ASXL1: variants seen among roughly 807,000 people sequenced by gnomAD.
ASXL1 encodes the protein polycomb group protein ASXL1.
Under a neutral mutation model 89.1 loss-of-function variants are expected in ASXL1, and 65 were observed. The ratio of observed to expected loss-of-function variants is 0.73; its 90% CI spans 0.60 to 0.90. The LOEUF (loss-of-function observed/expected upper bound fraction) is 0.90, where lower values mean the gene tolerates loss of function less well. Among genes scored for constraint, ASXL1 ranks in the 40% least tolerant of loss-of-function variants. ASXL1 has a pLI of 0.00. For missense variants in ASXL1, 1,786 were observed against 1,942.9 expected (o/e 0.92, Z 1.52); for synonymous variants, 739 against 746.9 (o/e 0.99, Z 0.17).
intron 4 of ASXL1, chr20:32,372,350 C>T: frequency 8.6e-7 from 1 of 1,159,294 alleles, no homozygotes; most frequent in Non-Finnish European, 1.1e-6. Context: ...GCTTATCCTT[C>T]ATAGTATCTT....
intron 4 of ASXL1, among the ~76,000 whole-genome samples, chr20:32,381,480 G>A (rs532835055): frequency 1.3e-5 from 2 of 151,198 alleles, no homozygotes; most frequent in Non-Finnish European, 2.9e-5. Flanking sequence ...GAGATTATAG[G>A]TGTGAGCCAC....
At position 32,431,693 on chromosome 20, in the gene ASXL1, G is replaced by A. The variant is rs1394310909; in HGVS notation, c.979+14G>A. On this transcript the variant is annotated intron_variant, in intron 10 of 12. Coordinates refer to ENST00000375687, the MANE Select transcript of ASXL1 (RefSeq NM_015338.6). ...GCCTGGCTGATGGTATGTAGACTTG[G>A]TCATCTCGGACGGCTTGCGACGCAC... 1 of 1,611,772 alleles carries A rather than the reference G, an allele frequency of 6.2e-7. No homozygotes were observed. The highest frequency in any genetic ancestry group is 2.2e-5 in the East Asian group (1 of 44,878).
chr20:32,432,641 A>G (rs1431585600), intron 10 of ASXL1: 5 of 471,862 alleles, frequency 1.1e-5, no homozygotes, highest in African/African-American at 3.9e-5. Flanking sequence ...CTACACAGGA[A>G]ATATGAATGG....
chr20:32,435,896 C>T lies in ASXL1; in HGVS notation c.3184C>T (p.Pro1062Ser), dbSNP rs776213974. The change falls in exon 13 of 13, where the codon CCT becomes TCT. Residue 1062 changes from proline (P) to serine (S), a missense_variant. Coordinates refer to ENST00000375687, the MANE Select transcript of ASXL1 (RefSeq NM_015338.6). Reference sequence around the variant, plus strand: ...TACAAGGACAGATGGGATGGTTGCTCCTCAGAGCTGGGTGTCTCGAGTATG... The same window carrying T: ...TACAAGGACAGATGGGATGGTTGCTTCTCAGAGCTGGGTGTCTCGAGTATG... ...LVTRTDGMVA[P>S]QSWVSRVCAV... 26 of 1,614,170 alleles carry T rather than the reference C, an allele frequency of 1.6e-5. No individual in the cohort carries two copies. Among genetic ancestry groups the T allele is most frequent in the Non-Finnish European group, 2.2e-5 (26 of 1,180,026 alleles).
In ASXL1 at chr20:32,393,220, G is replaced by A. The variant is rs1355041430; in HGVS notation, c.252+24097G>A. ...AGGTACATAAGCATTTATGATTGTC[G>A]TCATCTTGATGAATTGGTCTCTGTC... On this transcript the variant is annotated intron_variant, in intron 4 of 12. Coordinates refer to ENST00000375687, the MANE Select transcript of ASXL1 (RefSeq NM_015338.6). Among the ~76,000 whole-genome samples, 5 of 152,048 alleles carry A rather than the reference G, an allele frequency of 3.3e-5. No individual in the cohort carries two copies. The South Asian group carries it at 6.2e-4, about 19-fold the overall frequency.
chr20:32,417,741 T>C (rs2049162789), intron 4 of ASXL1, among the ~76,000 whole-genome samples: 1 of 152,128 alleles, frequency 6.6e-6, no homozygotes, highest in Non-Finnish European at 1.5e-5. Flanking sequence ...ATTTTTTTTT[T>C]TTGATCAGAA....
chr20:32,427,127 CTT>C (rs1330612967), intron 4 of ASXL1: 1 of 152,180 alleles, frequency 6.6e-6, no homozygotes, highest in African/African-American at 2.4e-5. Context: ...CATCCACACT[CTT>C]TGTAGTTTTG....
At chr20:32,360,967 G>A (rs1221389401) in intron 1 of ASXL1, among the ~76,000 whole-genome samples, 1 of 152,086 alleles carries the variant, frequency 6.6e-6, no homozygotes, top group Non-Finnish European at 1.5e-5. Context: ...GGCTGGTCTC[G>A]AACTCGTGAC....
At chr20:32,397,127 C>T (rs2048777891) in intron 4 of ASXL1, among the ~76,000 whole-genome samples, 1 of 147,406 alleles carries the variant, frequency 6.8e-6, no homozygotes, top group Admixed American at 6.7e-5. Context: ...TCACTGCAAC[C>T]TCCGCCTACC....
At chr20:32,378,804 T>C (rs1293931949) in intron 4 of ASXL1, among the ~76,000 whole-genome samples, 1 of 151,644 alleles carries the variant, frequency 6.6e-6, no homozygotes, top group Non-Finnish European at 1.5e-5. Flanking sequence ...ATGCTTACCC[T>C]GTCTCAAAAA....
Position 32,429,126 on chromosome 20 carries a change from A to G in ASXL1, c.472-212A>G. ...TCCTTACCTGTAAAATGGGGATAAC[A>G]GTACATTTTTGTAGCTTGGAATGAT... On this transcript the variant is annotated intron_variant, in intron 6 of 12. Transcript: ENST00000375687. The surrounding 1 kb of genome is among the most constrained non-coding windows in gnomAD (Gnocchi z 4.9). The G allele has an allele frequency of 1.7e-6, 1 of 591,252 alleles. No individual in the cohort carries two copies. The allele number at this position is 591,252 out of a possible 1,614,324, so 36.6% of individuals were successfully genotyped here.
intron 4 of ASXL1, among the ~76,000 whole-genome samples, chr20:32,372,857 T>C (rs2048321450): frequency 6.6e-6 from 1 of 151,410 alleles, no homozygotes; most frequent in Admixed American, 6.6e-5. Context: ...CCTCCCAGAG[T>C]GCTGGGATTA....
In ASXL1 at chr20:32,419,975, C is replaced by T. The variant is rs145338892; in HGVS notation, c.253-8153C>T. 6.6e-4 allele frequency among the ~76,000 whole-genome samples: 100 copies of T among 152,144 alleles called. 1 individual carries two copies. Among genetic ancestry groups the T allele is most frequent in the African/African-American group, 2.0e-3 (83 of 41,524 alleles). Reference sequence around the variant, plus strand: ...CATTACAGGCATGAGCCCCCACACCCGGCTGATGGATAAATTTTCTAATTG... The same window carrying T: ...CATTACAGGCATGAGCCCCCACACCTGGCTGATGGATAAATTTTCTAATTG... On this transcript the variant is annotated intron_variant, in intron 4 of 12. Transcript: ENST00000375687.
intron 10 of ASXL1, 138 bp from the exon 11 acceptor site, chr20:32,432,742 G>A: frequency 9.3e-7 from 1 of 1,074,728 alleles, no homozygotes; most frequent in Non-Finnish European, 1.4e-6. Flanking sequence ...AGATGTGTTA[G>A]CTCTGTCCCT....
At chr20:32,369,718 C>CT (rs386393629) in intron 4 of ASXL1, among the ~76,000 whole-genome samples, 1,845 of 94,584 alleles carry the variant, frequency 0.02, 135 homozygotes, top group African/African-American at 0.064. Flanking sequence ...GCAGATGTGC[C>CT]TTTTTTTTTT....
chr20:32,358,750 A>AGCT lies in ASXL1; in HGVS notation c.-23_-21dup, dbSNP rs763356478. ...CGCCCAGCCCGGAGGTCCCGCGTGG[A>AGCT]GCTGCCGCCGCCGCCGGGGAGAAGG... is the stretch of plus-strand genomic sequence containing the variant. On this transcript the variant is annotated 5_prime_UTR_variant, in exon 1 of 13. Transcript: ENST00000375687. The AGCT allele has an allele frequency of 4.8e-5, 37 of 770,218 alleles. No individual in the cohort carries two copies. Among genetic ancestry groups the AGCT allele is most frequent in the Admixed American group, 2.6e-5 (1 of 38,730 alleles). The allele number at this position is 770,218 out of a possible 1,614,324, so 47.7% of individuals were successfully genotyped here.
chr20:32,372,801 G>A (rs1486840952), intron 4 of ASXL1, among the ~76,000 whole-genome samples: 1 of 151,642 alleles, frequency 6.6e-6, no homozygotes, highest in Non-Finnish European at 1.5e-5. Flanking sequence ...TACTATGTTG[G>A]CCAGGCTGGT....
chr20:32,401,522 ATGTGTG>A (rs1278707742), intron 4 of ASXL1, among the ~76,000 whole-genome samples: 2 of 126,724 alleles, frequency 1.6e-5, no homozygotes, highest in Admixed American at 1.7e-4. Flanking sequence ...TGAACCATAT[ATGTGTG>A]TGTGTGTGTG....
In ASXL1 at chr20:32,433,920, A is replaced by G; in HGVS notation, c.1719+3A>G. On this transcript the variant is annotated splice_donor_region_variant and intron_variant, in intron 12 of 12. Transcript: ENST00000375687. ...AGCCCAAAGTCCCGCCCATCCGGGT[A>G]GGAGACTGTTTGATTCCTGGCTGCC... 1.2e-6 allele frequency: 2 copies of G among 1,612,386 alleles called. No individual in the cohort carries two copies. The highest frequency in any genetic ancestry group is 1.7e-6 in the Non-Finnish European group (2 of 1,180,012).
Sources: gnomAD v4.1 joint callset for allele counts (sites outside exome capture counted in the v4.1 genomes callset) on GRCh38, gnomAD v4.1.1 for gene constraint, Gnocchi (gnomAD v3.1) non-coding constraint, MANE v1.5 for transcripts, NCBI Gene and HGNC (gene_info 2026-07-23, HGNC 2026-07-21) for gene names.